SCAF4: variants seen among roughly 807,000 people sequenced by gnomAD.
The protein encoded by SCAF4 is SR-related and CTD-associated factor 4.
A neutral mutation model predicts 129.8 loss-of-function variants in SCAF4; 25 were observed. The observed-to-expected ratio is 0.19, with a 90% CI of 0.14 to 0.27. SCAF4 has a LOEUF of 0.27. Ranked by LOEUF, SCAF4 falls within the 10% of genes least tolerant of loss-of-function variation. The pLI is 1.00. For missense variants in SCAF4, 1,246 were observed against 1,457.1 expected, an observed-to-expected ratio of 0.86 and a Z score of 2.36; for synonymous variants, 551 against 497.7, an observed-to-expected ratio of 1.11 and a Z score of -1.43.
chr21:31,699,181 A>G (rs2050458778), intron 7 of SCAF4, among the ~76,000 whole-genome samples: 2 of 152,216 alleles, frequency 1.3e-5, no homozygotes, highest in African/African-American at 4.8e-5. Context: ...ACAGGAATTT[A>G]GTGTATAAAA....
chr21:31,691,775 C>T (rs764409778), intron 14 of SCAF4, 42 bp downstream of exon 14: 1 of 1,049,250 alleles, frequency 9.5e-7, no homozygotes, highest in Non-Finnish European at 1.4e-6. Context: ...TCCCCTTCTG[C>T]CTATTTAAAA....
At chr21:31,679,536 G>T (rs1385644595) in intron 19 of SCAF4, among the ~76,000 whole-genome samples, 1 of 152,080 alleles carries the variant, frequency 6.6e-6, no homozygotes, top group Non-Finnish European at 1.5e-5. Context: ...GGAAGAATAA[G>T]GAGCCAATTT....
At chr21:31,672,901 A>G (rs1601168340) in intron 19 of SCAF4, among the ~76,000 whole-genome samples, 1 of 152,382 alleles carries the variant, frequency 6.6e-6, no homozygotes, top group East Asian at 1.9e-4. Flanking sequence ...TGCAGTTACT[A>G]TGCAATGTGC....
At chr21:31,675,178 A>T (rs193194776) in intron 19 of SCAF4, among the ~76,000 whole-genome samples, 54 of 152,352 alleles carry the variant, frequency 3.5e-4, no homozygotes, top group African/African-American at 1.2e-3. Flanking sequence ...GAAAATACAG[A>T]TGAGGTTTAT....
At chr21:31,717,870 C>CATATACACAT (rs1555853935) in intron 1 of SCAF4, among the ~76,000 whole-genome samples, 4 of 124,838 alleles carry the variant, frequency 3.2e-5, no homozygotes, top group African/African-American at 1.4e-4. Flanking sequence ...CACACACACA[C>CATATACACAT]ATATACACAT....
chr21:31,731,317 C>A (rs2051350117), intron 1 of SCAF4, among the ~76,000 whole-genome samples: 1 of 152,214 alleles, frequency 6.6e-6, no homozygotes, highest in Non-Finnish European at 1.5e-5. Context: ...GCGAACCCGA[C>A]AACGGGGCTC....
chr21:31,726,300 C>T (rs999702048), intron 1 of SCAF4, among the ~76,000 whole-genome samples: 1 of 152,170 alleles, frequency 6.6e-6, no homozygotes, highest in Non-Finnish European at 1.5e-5. Context: ...CCGCCTCGGC[C>T]TCCCAAAGTG....
intron 1 of SCAF4, among the ~76,000 whole-genome samples, chr21:31,725,481 G>A (rs1439839103): frequency 2.6e-5 from 4 of 152,178 alleles, no homozygotes; most frequent in Admixed American, 2.0e-4. Context: ...CGTACATTAA[G>A]TATTCATAAA....
At chr21:31,686,588 G>A (rs1437737472) in intron 16 of SCAF4, among the ~76,000 whole-genome samples, 8 of 151,854 alleles carry the variant, frequency 5.3e-5, no homozygotes, top group East Asian at 1.9e-4. Context: ...CCCAACAAAC[G>A]TTAGCTATTT....
chr21:31,694,710 T>A (rs1159261013), intron 10 of SCAF4, 103 bp downstream of exon 10: 2 of 1,168,652 alleles, frequency 1.7e-6, no homozygotes, highest in East Asian at 5.0e-5. Context: ...TACCCAGGTC[T>A]TTCTTCATAT....
At chr21:31,695,867 G>C (rs1160002865) in intron 9 of SCAF4, among the ~76,000 whole-genome samples, 3 of 152,190 alleles carry the variant, frequency 2.0e-5, no homozygotes, top group Non-Finnish European at 2.9e-5. Context: ...TCTTCAAATA[G>C]AACTGTAATC....
chr21:31,709,487 CTTCT>C (rs762645052), intron 1 of SCAF4, among the ~76,000 whole-genome samples: 1 of 152,096 alleles, frequency 6.6e-6, no homozygotes, highest in Non-Finnish European at 1.5e-5. Context: ...CCAAAAAGCA[CTTCT>C]TTATCATTTC....
chr21:31,701,931 A>G lies in SCAF4; in HGVS notation c.458-13T>C. ...GGTGGAGGTGAGCCTAAAAAAGAAA[A>G]GGGCATTAAGGCCTAAAAAAAAAGT... is the stretch of plus-strand genomic sequence containing the variant. On this transcript the variant is annotated splice_polypyrimidine_tract_variant and intron_variant, in intron 5 of 19. Transcript: ENST00000286835. 6.2e-7 allele frequency: 1 copy of G among 1,611,628 alleles called. No homozygotes were observed. Among genetic ancestry groups the G allele is most frequent in the Non-Finnish European group, 8.5e-7 (1 of 1,179,298 alleles).
At chr21:31,730,277 T>C (rs921094157) in intron 1 of SCAF4, among the ~76,000 whole-genome samples, 6 of 152,234 alleles carry the variant, frequency 3.9e-5, no homozygotes, top group Admixed American at 2.6e-4. Flanking sequence ...ACAAATTCTC[T>C]GGCGATCAAA....
intron 16 of SCAF4, among the ~76,000 whole-genome samples, 200 bp downstream of exon 16, chr21:31,688,107 T>A (rs572121641): frequency 2.0e-3 from 91 of 45,762 alleles, no homozygotes; most frequent in African/African-American, 0.011. Flanking sequence ...AAAGAGAGAC[T>A]CTGTCTCAAA....
At chr21:31,731,061 C>G (rs2051340697) in intron 1 of SCAF4, among the ~76,000 whole-genome samples, 1 of 152,216 alleles carries the variant, frequency 6.6e-6, no homozygotes, top group South Asian at 2.1e-4. Flanking sequence ...CGAGCCACCC[C>G]CTCTCCGTTT....
chr21:31,701,646 G>T (rs1311914333), intron 6 of SCAF4, 130 bp downstream of exon 6: 4 of 948,194 alleles, frequency 4.2e-6, no homozygotes, highest in Non-Finnish European at 1.5e-6. Flanking sequence ...CTTCTCTTGT[G>T]AAGGCTTTTC....
Position 31,694,899 on chromosome 21 carries a change from T to A in SCAF4, c.1150A>T (p.Ile384Phe). The change falls in exon 10 of 20, where the codon ATT (isoleucine) becomes TTT (phenylalanine). Residue 384 changes from isoleucine (I) to phenylalanine (F), a missense_variant. Transcript: ENST00000286835. ...TGCTGCACTGGTGGAGTTGGAGGAATCACAGGCTGAGCCATGGGAGGAAAT... is the reference window on the plus strand; with the variant it reads ...TGCTGCACTGGTGGAGTTGGAGGAAACACAGGCTGAGCCATGGGAGGAAAT... ...PPFPPMAQPVIPPTPPVQQPF... is the reference protein window; with the variant it reads ...PPFPPMAQPVFPPTPPVQQPF... The A allele has an allele frequency of 6.2e-7, 1 of 1,614,110 alleles. No individual in the cohort carries two copies. The highest frequency in any genetic ancestry group is 8.5e-7 in the Non-Finnish European group (1 of 1,179,976).
chr21:31,687,629 G>A (rs2050157629), intron 16 of SCAF4, among the ~76,000 whole-genome samples: 1 of 152,032 alleles, frequency 6.6e-6, no homozygotes, highest in Non-Finnish European at 1.5e-5. Context: ...AGCATCCAAG[G>A]TGAAAATTAA....
Sources: allele counts gnomAD v4.1 joint callset (sites outside exome capture counted in the v4.1 genomes callset), GRCh38; gene constraint gnomAD v4.1.1; transcripts MANE v1.5; gene names NCBI Gene and HGNC (gene_info 2026-07-23, HGNC 2026-07-21).